Variants in LINGO2 observed in about 807,000 individuals in gnomAD.
LINGO2 encodes the protein leucine rich repeat and Ig domain containing 2.
In LINGO2, 14 loss-of-function variants were observed where a neutral mutation model predicts 30.6. That is an observed-to-expected ratio of 0.46 (90% CI 0.30 to 0.72). The LOEUF is 0.72. Ranked by LOEUF, LINGO2 falls within the 30% of genes least tolerant of loss-of-function variation. The pLI, the probability that LINGO2 is intolerant of heterozygous loss-of-function variation, is 0.07. For missense variants in LINGO2, 729 were observed against 751.7 expected (o/e 0.97, Z 0.35); for synonymous variants, 317 against 288.5 (o/e 1.10, Z -1.00).
intron 4 of LINGO2, among the ~76,000 whole-genome samples, chr9:28,219,847 A>G (rs1820895185): frequency 6.6e-6 from 1 of 152,198 alleles, no homozygotes; most frequent in African/African-American, 2.4e-5. Flanking sequence ...ATTCATAACA[A>G]AGATTAAAAT....
intron 4 of LINGO2, among the ~76,000 whole-genome samples, chr9:28,083,176 C>A (rs545940994): frequency 6.6e-6 from 1 of 152,316 alleles, no homozygotes; most frequent in South Asian, 2.1e-4. Flanking sequence ...CCAGATAGGA[C>A]CTGCTTTTGG....
the LINGO2 span, among the ~76,000 whole-genome samples, chr9:28,878,762 G>C: frequency 2.0e-5 from 3 of 149,050 alleles, no homozygotes; most frequent in South Asian, 6.4e-4. Flanking sequence ...AATAGATGCA[G>C]AAAAGGCCTT....
the LINGO2 span, among the ~76,000 whole-genome samples, chr9:28,705,247 T>C: frequency 6.6e-6 from 1 of 152,020 alleles, no homozygotes; most frequent in South Asian, 2.1e-4. Flanking sequence ...TAGACAGATA[T>C]AATGTACTAG....
the LINGO2 span, among the ~76,000 whole-genome samples, chr9:29,186,473 C>T: frequency 6.6e-6 from 1 of 151,920 alleles, no homozygotes; most frequent in South Asian, 2.1e-4. Flanking sequence ...TCACCCTTGC[C>T]AAACTTGAAA....
intron 4 of LINGO2, among the ~76,000 whole-genome samples, chr9:28,037,479 A>G (rs1823992451): frequency 6.6e-6 from 1 of 152,110 alleles, no homozygotes; most frequent in African/African-American, 2.4e-5. Context: ...CTTTAAAAAA[A>G]AAGTCTTCTG....
chr9:28,506,240 T>C (rs988295004), intron 1 of LINGO2, among the ~76,000 whole-genome samples: 4 of 151,188 alleles, frequency 2.6e-5, no homozygotes, highest in Admixed American at 1.3e-4. Context: ...TTTAGACAAG[T>C]CATAACTTGG....
chr9:28,044,421 C>T (rs1824325028), intron 4 of LINGO2, among the ~76,000 whole-genome samples: 1 of 152,084 alleles, frequency 6.6e-6, no homozygotes, highest in Admixed American at 6.6e-5. Flanking sequence ...GTGGGGGCTG[C>T]CCCATGCATC....
At chr9:28,813,087 T>C in the LINGO2 span, among the ~76,000 whole-genome samples, 1 of 141,366 alleles carries the variant, frequency 7.1e-6, no homozygotes, top group Non-Finnish European at 1.5e-5. Flanking sequence ...AAAAAAAAAA[T>C]CTAGAGTGGG....
intron 1 of LINGO2, among the ~76,000 whole-genome samples, chr9:28,635,977 T>TTC (rs1430920150): frequency 1.3e-5 from 2 of 151,782 alleles, no homozygotes; most frequent in Non-Finnish European, 2.9e-5. Context: ...CTCCCCACTC[T>TTC]CCCCACCCCA....
chr9:28,983,635 T>C, the LINGO2 span, among the ~76,000 whole-genome samples: 1 of 151,916 alleles, frequency 6.6e-6, no homozygotes, highest in Non-Finnish European at 1.5e-5. Context: ...AAAATTCTAT[T>C]AAATAAGTAT....
the LINGO2 span, among the ~76,000 whole-genome samples, chr9:28,919,276 C>A: frequency 6.6e-6 from 1 of 152,052 alleles, no homozygotes; most frequent in African/African-American, 2.4e-5. Context: ...AAGGTTCAGC[C>A]ATGAATCCGT....
chr9:28,476,278 T>C (rs1043122861), intron 1 of LINGO2, among the ~76,000 whole-genome samples: 9 of 152,290 alleles, frequency 5.9e-5, no homozygotes, highest in Middle Eastern at 3.4e-3. Context: ...AAATTATTTA[T>C]TTATTTATTT....
chr9:28,103,138 T>G (rs1054970761), intron 4 of LINGO2, among the ~76,000 whole-genome samples: 1 of 152,190 alleles, frequency 6.6e-6, no homozygotes, highest in Non-Finnish European at 1.5e-5. Context: ...AAATTTCTGT[T>G]AACTTAAGGT....
the LINGO2 span, among the ~76,000 whole-genome samples, chr9:28,754,199 A>T: frequency 6.6e-6 from 1 of 152,034 alleles, no homozygotes; most frequent in East Asian, 1.9e-4. Context: ...TATATACAAG[A>T]TTCTTCTTCC....
chr9:28,525,450 G>C (rs909500831), intron 1 of LINGO2, among the ~76,000 whole-genome samples: 2 of 152,042 alleles, frequency 1.3e-5, no homozygotes, highest in African/African-American at 4.8e-5. Context: ...AACAAAATAT[G>C]GTATACCTAT....
At chr9:28,859,386 C>A in the LINGO2 span, among the ~76,000 whole-genome samples, 3 of 152,002 alleles carry the variant, frequency 2.0e-5, no homozygotes, top group African/African-American at 4.8e-5. Flanking sequence ...CTAATTAGTA[C>A]GCAGCTAATA....
At chr9:28,053,111 T>G (rs1404904568) in intron 4 of LINGO2, among the ~76,000 whole-genome samples, 1 of 151,858 alleles carries the variant, frequency 6.6e-6, no homozygotes, top group East Asian at 1.9e-4. Context: ...AGGGGAACCA[T>G]AAGGTATAAT....
At chr9:28,111,318 A>T (rs1402118699) in intron 4 of LINGO2, among the ~76,000 whole-genome samples, 1 of 151,822 alleles carries the variant, frequency 6.6e-6, no homozygotes, top group Admixed American at 6.6e-5. Flanking sequence ...ATGGATTGAT[A>T]GGTGGAGCAA....
At chr9:28,650,195 A>G (rs1187087873) in intron 1 of LINGO2, among the ~76,000 whole-genome samples, 1 of 152,172 alleles carries the variant, frequency 6.6e-6, no homozygotes, top group Non-Finnish European at 1.5e-5. Context: ...CTAGTGTTAC[A>G]ACTCTCAAAA....
Sources: allele counts gnomAD v4.1 joint callset (sites outside exome capture counted in the v4.1 genomes callset), GRCh38; gene constraint gnomAD v4.1.1; transcripts MANE v1.5; gene names NCBI Gene and HGNC (gene_info 2026-07-23, HGNC 2026-07-21).